SPAG16: variants seen among roughly 807,000 people sequenced by gnomAD.
SPAG16 encodes sperm associated antigen 16, also known as sperm-associated antigen 16 protein.
SPAG16 carries 86 observed loss-of-function variants against 80.4 expected under a neutral mutation model. That is an observed-to-expected ratio of 1.07 (90% CI 0.90 to 1.28). SPAG16 has a LOEUF of 1.28. Ranked by LOEUF, SPAG16 falls within the 50% of genes most tolerant of loss-of-function variation. The pLI, the probability that SPAG16 is intolerant of heterozygous loss-of-function variation, is 0.00. For missense variants in SPAG16, 870 were observed against 765.3 expected, an observed-to-expected ratio of 1.14 and a Z score of -1.61; for synonymous variants, 294 against 265.9, an observed-to-expected ratio of 1.11 and a Z score of -1.03.
intron 10 of SPAG16, among the ~76,000 whole-genome samples, chr2:213,551,237 T>C (rs2076770290): frequency 6.6e-6 from 1 of 152,198 alleles, no homozygotes; most frequent in Non-Finnish European, 1.5e-5. Context: ...AAGGCTTTTC[T>C]CCCAACTTTT....
intron 1 of SPAG16, among the ~76,000 whole-genome samples, chr2:213,289,800 A>G (rs968254748): frequency 5.9e-5 from 9 of 152,348 alleles, no homozygotes; most frequent in African/African-American, 1.9e-4. Flanking sequence ...ATCATGTAAA[A>G]TATAATTAGC....
intron 12 of SPAG16, among the ~76,000 whole-genome samples, chr2:214,002,369 AG>A (rs1278324087): frequency 6.6e-6 from 1 of 152,244 alleles, no homozygotes; most frequent in Non-Finnish European, 1.5e-5. Context: ...AAATAAGGCA[AG>A]GGGAACTCAA....
chr2:213,789,718 C>T (rs941673417), intron 10 of SPAG16, among the ~76,000 whole-genome samples: 3 of 151,796 alleles, frequency 2.0e-5, no homozygotes, highest in South Asian at 2.1e-4. Context: ...ATACTTTGTC[C>T]GTAAGCTCTA....
intron 12 of SPAG16, among the ~76,000 whole-genome samples, chr2:213,946,054 C>T (rs2079444820): frequency 6.6e-6 from 1 of 152,152 alleles, no homozygotes; most frequent in Non-Finnish European, 1.5e-5. Context: ...ATACTTTTCA[C>T]ATCATTTCTA....
intron 10 of SPAG16, among the ~76,000 whole-genome samples, chr2:213,774,493 T>C (rs2069448409): frequency 6.6e-6 from 1 of 152,198 alleles, no homozygotes; most frequent in South Asian, 2.1e-4. Flanking sequence ...GATTTAGGGG[T>C]CTACCCTATT....
At chr2:213,745,946 T>C (rs766562050) in intron 10 of SPAG16, among the ~76,000 whole-genome samples, 3 of 152,238 alleles carry the variant, frequency 2.0e-5, no homozygotes, top group Non-Finnish European at 4.4e-5. Flanking sequence ...CATCTCTTTA[T>C]GTCTTGATTT....
At chr2:213,608,563 C>G (rs1482298863) in intron 10 of SPAG16, among the ~76,000 whole-genome samples, 1 of 152,184 alleles carries the variant, frequency 6.6e-6, no homozygotes, top group Non-Finnish European at 1.5e-5. Flanking sequence ...TTTCTTAATC[C>G]AGTCTATCAT....
chr2:214,090,305 T>A, intron 13 of SPAG16, among the ~76,000 whole-genome samples: 1 of 152,052 alleles, frequency 6.6e-6, no homozygotes, highest in East Asian at 1.9e-4. Flanking sequence ...CAAATAATTT[T>A]AAACACTAAA....
chr2:213,976,298 A>G (rs755879859), intron 12 of SPAG16, among the ~76,000 whole-genome samples: 8 of 151,074 alleles, frequency 5.3e-5, no homozygotes, highest in Non-Finnish European at 1.0e-4. Context: ...GCACATATGC[A>G]TACACATGTG....
intron 12 of SPAG16, among the ~76,000 whole-genome samples, chr2:213,931,175 T>C (rs143808606): frequency 6.6e-6 from 1 of 152,318 alleles, no homozygotes; most frequent in African/African-American, 2.4e-5. Flanking sequence ...ATTGTTACAA[T>C]GATAGGTGCA....
intron 10 of SPAG16, among the ~76,000 whole-genome samples, chr2:213,649,610 T>C (rs2062951517): frequency 6.6e-6 from 1 of 152,204 alleles, no homozygotes; most frequent in Non-Finnish European, 1.5e-5. Flanking sequence ...AGGATCTCAC[T>C]GTCATCCAGG....
intron 9 of SPAG16, among the ~76,000 whole-genome samples, chr2:213,387,840 T>C (rs1437020155): frequency 6.6e-6 from 1 of 152,182 alleles, no homozygotes; most frequent in Non-Finnish European, 1.5e-5. Context: ...TTTATATCCC[T>C]AATACCCCTT....
chr2:213,713,136 G>A (rs1388926551), intron 10 of SPAG16, among the ~76,000 whole-genome samples: 6 of 152,056 alleles, frequency 3.9e-5, no homozygotes, highest in Non-Finnish European at 7.4e-5. Flanking sequence ...TGGGGGAACC[G>A]CCCCCATGAT....
chr2:214,033,972 G>A (rs1044473844), intron 13 of SPAG16, among the ~76,000 whole-genome samples: 6 of 152,106 alleles, frequency 3.9e-5, no homozygotes, highest in African/African-American at 1.4e-4. Flanking sequence ...ATCATGTATT[G>A]CATTCAGTTA....
At chr2:213,800,786 C>A (rs143512813) in intron 10 of SPAG16, among the ~76,000 whole-genome samples, 1 of 152,132 alleles carries the variant, frequency 6.6e-6, no homozygotes, top group Non-Finnish European at 1.5e-5. Flanking sequence ...ATAAACATAA[C>A]GTCCCAATTC....
chr2:214,258,129 G>C (rs933434675), intron 15 of SPAG16, among the ~76,000 whole-genome samples: 31 of 151,942 alleles, frequency 2.0e-4, no homozygotes, highest in Admixed American at 6.6e-5. Flanking sequence ...TGGGAGAACA[G>C]GTGATTTTTG....
At chr2:213,685,909 A>G (rs2125277323) in intron 10 of SPAG16, among the ~76,000 whole-genome samples, 1 of 152,344 alleles carries the variant, frequency 6.6e-6, no homozygotes, top group East Asian at 1.9e-4. Context: ...CAATTTTTCA[A>G]TCTCTATTAA....
At chr2:213,290,291 T>C (rs950756480) in intron 1 of SPAG16, among the ~76,000 whole-genome samples, 1 of 152,126 alleles carries the variant, frequency 6.6e-6, no homozygotes, top group African/African-American at 2.4e-5. Context: ...TTGGGAGGAA[T>C]GGGAGCCTCA....
At chr2:213,907,707 T>C (rs1216370733) in intron 11 of SPAG16, among the ~76,000 whole-genome samples, 1 of 152,178 alleles carries the variant, frequency 6.6e-6, no homozygotes. Flanking sequence ...AATGAAATCC[T>C]ATTATTCACA....
Sources: allele counts gnomAD v4.1 joint callset (sites outside exome capture counted in the v4.1 genomes callset), GRCh38; gene constraint gnomAD v4.1.1; transcripts MANE v1.5; gene names NCBI Gene and HGNC (gene_info 2026-07-23, HGNC 2026-07-21).